Variants in DPP6 observed in about 807,000 individuals in gnomAD.
The protein encoded by DPP6 is dipeptidyl peptidase like 6, also known as A-type potassium channel modulatory protein DPP6.
In DPP6, 69 loss-of-function variants were observed where a neutral mutation model predicts 122.6. That is an observed-to-expected ratio of 0.56 (90% CI 0.46 to 0.69). DPP6 has a LOEUF of 0.69. DPP6 is among the 30% of genes least tolerant of loss of function. The probability of loss-of-function intolerance (pLI) is 0.00; values close to 1 mark genes in which losing one functional copy is unlikely to be tolerated. For missense variants in DPP6, 928 were observed against 1,116.9 expected, an observed-to-expected ratio of 0.83 and a Z score of 2.41; for synonymous variants, 418 against 433.1, an observed-to-expected ratio of 0.97 and a Z score of 0.43.
At chr7:154,167,751 G>T (rs1371293574) in intron 1 of DPP6, among the ~76,000 whole-genome samples, 1 of 152,196 alleles carries the variant, frequency 6.6e-6, no homozygotes, top group African/African-American at 2.4e-5. Flanking sequence ...CATTAATTTA[G>T]TGACTTTGTT....
chr7:154,101,935 C>CAAAAAAAAAAAAAA (rs915468915), intron 1 of DPP6, among the ~76,000 whole-genome samples: 1 of 40,826 alleles, frequency 2.4e-5, no homozygotes. Context: ...TACTCCATCT[C>CAAAAAAAAAAAAAA]AAAAAAAAAA....
intron 1 of DPP6, among the ~76,000 whole-genome samples, chr7:153,930,481 A>C (rs914083699): frequency 2.0e-4 from 31 of 152,288 alleles, no homozygotes; most frequent in African/African-American, 5.8e-4. Flanking sequence ...TTCAATTGAC[A>C]AAATTGTGTG....
At chr7:154,371,043 T>C (rs1812608483) in intron 1 of DPP6, among the ~76,000 whole-genome samples, 1 of 152,206 alleles carries the variant, frequency 6.6e-6, no homozygotes. Flanking sequence ...AGGGAGGTTT[T>C]AGCTTTCTGC....
chr7:153,990,646 G>A (rs1295123376), intron 1 of DPP6, among the ~76,000 whole-genome samples: 2 of 151,966 alleles, frequency 1.3e-5, no homozygotes, highest in Non-Finnish European at 2.9e-5. Flanking sequence ...TGCCTCACAG[G>A]CAGGTGCATT....
intron 3 of DPP6, among the ~76,000 whole-genome samples, chr7:154,484,172 AG>A (rs148260052): frequency 0.017 from 2,517 of 152,296 alleles, 46 homozygotes; most frequent in Non-Finnish European, 0.024. Context: ...AGACTATAGT[AG>A]GGGAAAGGTT....
At chr7:154,487,207 A>AT (rs767357068) in intron 3 of DPP6, among the ~76,000 whole-genome samples, 1 of 151,938 alleles carries the variant, frequency 6.6e-6, no homozygotes, top group African/African-American at 2.4e-5. Flanking sequence ...ATACGTACAT[A>AT]TTTTTTTCTC....
intron 1 of DPP6, among the ~76,000 whole-genome samples, chr7:153,909,156 GATT>G (rs1364132712): frequency 2.0e-5 from 3 of 152,178 alleles, no homozygotes; most frequent in Non-Finnish European, 4.4e-5. Flanking sequence ...GTCCCCAAAA[GATT>G]TACTTACAGA....
chr7:154,443,442 C>G (rs1201562562), intron 1 of DPP6, among the ~76,000 whole-genome samples: 2 of 152,206 alleles, frequency 1.3e-5, no homozygotes, highest in African/African-American at 4.8e-5. Flanking sequence ...GTTCTCAAAA[C>G]CTAACCTGGC....
intron 8 of DPP6, among the ~76,000 whole-genome samples, chr7:154,761,956 G>C (rs780828036): frequency 3.3e-5 from 5 of 152,034 alleles, no homozygotes; most frequent in Non-Finnish European, 5.9e-5. Flanking sequence ...TTGGTTTTCT[G>C]TCCTTGCGAT....
At chr7:154,591,518 A>G (rs1832808607) in intron 5 of DPP6, among the ~76,000 whole-genome samples, 1 of 152,214 alleles carries the variant, frequency 6.6e-6, no homozygotes, top group African/African-American at 2.4e-5. Flanking sequence ...ACTTACTGTC[A>G]TTATTTCTCA....
At chr7:154,889,783 C>G (rs1806454500) in intron 25 of DPP6, 1 of 553,524 alleles carries the variant, frequency 1.8e-6, no homozygotes, top group African/African-American at 1.9e-5. Context: ...TACTCCCACC[C>G]CAGCCCTGCT....
At chr7:154,464,456 G>C (rs1209370584) in intron 2 of DPP6, among the ~76,000 whole-genome samples, 3 of 152,174 alleles carry the variant, frequency 2.0e-5, no homozygotes, top group Admixed American at 6.5e-5. Context: ...TTTTTCCTGT[G>C]AATAGTTGTT....
intron 1 of DPP6, among the ~76,000 whole-genome samples, chr7:154,430,886 C>T (rs996959349): frequency 5.9e-5 from 7 of 119,200 alleles, no homozygotes; most frequent in Non-Finnish European, 5.8e-5. Flanking sequence ...CTGACTCATT[C>T]GAATGTTTCT....
chr7:154,289,101 TGAAA>T (rs1221037940), intron 1 of DPP6, among the ~76,000 whole-genome samples: 1 of 151,804 alleles, frequency 6.6e-6, no homozygotes. Flanking sequence ...CGGAAGCTGA[TGAAA>T]GAAAGAGAAA....
At chr7:154,108,677 C>G (rs1339628883) in intron 1 of DPP6, among the ~76,000 whole-genome samples, 1 of 152,208 alleles carries the variant, frequency 6.6e-6, no homozygotes, top group Non-Finnish European at 1.5e-5. Flanking sequence ...CAGGAGGAAA[C>G]AGCCAGACAA....
At position 154,611,855 on chromosome 7, in the gene DPP6, A is replaced by ATATGTG. The variant is rs1554409089; in HGVS notation, c.628-25965_628-25964insATGTGT. On this transcript the variant is annotated intron_variant, in intron 5 of 25. Transcript: ENST00000377770. ...AGATTTCTCCATTTTGCTTTCATATATGTGTGTGTGTGTGTGTGTGTGTGG... is the reference window on the plus strand; with the variant it reads ...AGATTTCTCCATTTTGCTTTCATATATATGTGTGTGTGTGTGTGTGTGTGTGTGTGG... Among the ~76,000 whole-genome samples the ATATGTG allele has an allele frequency of 8.3e-5, 6 of 72,434 alleles. No individual in the cohort carries two copies. The South Asian group carries it at 4.2e-3, about 51-fold the overall frequency. 47.5% of individuals were successfully genotyped at this position (72,434 alleles called of 152,430 possible).
the DPP6 span, among the ~76,000 whole-genome samples, chr7:153,852,428 G>C: frequency 6.6e-6 from 1 of 152,210 alleles, no homozygotes; most frequent in Middle Eastern, 3.4e-3. Flanking sequence ...GAGCAAGAGA[G>C]TGGGAGCTGC....
chr7:153,861,661 T>C, the DPP6 span, among the ~76,000 whole-genome samples: 1 of 152,206 alleles, frequency 6.6e-6, no homozygotes. Flanking sequence ...GGCTACCCTA[T>C]GTTTATTATC....
intron 1 of DPP6, among the ~76,000 whole-genome samples, chr7:153,985,349 A>G (rs1796790572): frequency 1.3e-5 from 2 of 152,234 alleles, no homozygotes; most frequent in Admixed American, 6.5e-5. Flanking sequence ...CCTAAGAGCA[A>G]CAGCACTAGC....
Sources: allele counts gnomAD v4.1 joint callset (sites outside exome capture counted in the v4.1 genomes callset), GRCh38; gene constraint gnomAD v4.1.1; transcripts MANE v1.5; gene names NCBI Gene and HGNC (gene_info 2026-07-23, HGNC 2026-07-21).